Variants in ASAP1 observed in about 807,000 individuals in gnomAD.
The protein encoded by ASAP1 is arf-GAP with SH3 domain, ANK repeat and PH domain-containing protein 1.
In ASAP1, 43 loss-of-function variants were observed where a neutral mutation model predicts 145.2. The observed-to-expected ratio is 0.30, with a 90% CI of 0.23 to 0.38. The LOEUF (loss-of-function observed/expected upper bound fraction) is 0.38, where lower values mean the gene tolerates loss of function less well. Among genes scored for constraint, ASAP1 ranks in the 10% least tolerant of loss-of-function variants. ASAP1 has a pLI of 1.00. For synonymous variants in ASAP1, 546 were observed against 515.5 expected (o/e 1.06, Z -0.80); for missense variants, 1,018 against 1,355.3 (o/e 0.75, Z 3.91).
intron 13 of ASAP1, among the ~76,000 whole-genome samples, chr8:130,145,722 T>TA (rs1190550375): frequency 6.6e-6 from 1 of 152,070 alleles, no homozygotes; most frequent in Non-Finnish European, 1.5e-5. Flanking sequence ...ATAACCACCC[T>TA]ACAACTAAGT....
intron 9 of ASAP1, among the ~76,000 whole-genome samples, chr8:130,173,692 C>T (rs891224952): frequency 6.6e-6 from 1 of 151,060 alleles, no homozygotes; most frequent in African/African-American, 2.4e-5. Flanking sequence ...CGCTTGAACC[C>T]AGGAGGTTGA....
chr8:130,279,641 CAAAT>C (rs1821135471), intron 3 of ASAP1, among the ~76,000 whole-genome samples: 1 of 152,078 alleles, frequency 6.6e-6, no homozygotes, highest in Non-Finnish European at 1.5e-5. Flanking sequence ...ATCTATAAAA[CAAAT>C]AGACTTGACT....
At chr8:130,312,435 A>AT (rs1565197536) in intron 3 of ASAP1, among the ~76,000 whole-genome samples, 1 of 149,820 alleles carries the variant, frequency 6.7e-6, no homozygotes, top group African/African-American at 2.5e-5. Flanking sequence ...GCAAAATACA[A>AT]TATCACTAAA....
chr8:130,340,456 C>T (rs1340257547), intron 3 of ASAP1, among the ~76,000 whole-genome samples: 1 of 152,188 alleles, frequency 6.6e-6, no homozygotes, highest in Non-Finnish European at 1.5e-5. Context: ...CTCTGTCTCC[C>T]TTCATACTAT....
intron 5 of ASAP1, among the ~76,000 whole-genome samples, chr8:130,206,300 G>T (rs1816216724): frequency 6.6e-6 from 1 of 152,046 alleles, no homozygotes; most frequent in Non-Finnish European, 1.5e-5. Flanking sequence ...AGGGCACCCA[G>T]AAGCTACCAA....
intron 2 of ASAP1, among the ~76,000 whole-genome samples, chr8:130,391,708 G>C (rs1466877442): frequency 6.6e-6 from 1 of 152,236 alleles, no homozygotes; most frequent in Non-Finnish European, 1.5e-5. Context: ...GAGTATGTCA[G>C]TGGCAATAGA....
chr8:130,310,946 C>A (rs1010757255), intron 3 of ASAP1, among the ~76,000 whole-genome samples: 53 of 152,324 alleles, frequency 3.5e-4, no homozygotes, highest in African/African-American at 1.1e-3. Flanking sequence ...CCAACCTGGG[C>A]CAGTATCTAC....
intron 4 of ASAP1, among the ~76,000 whole-genome samples, chr8:130,227,977 C>T (rs754731975): frequency 7.9e-5 from 12 of 152,124 alleles, no homozygotes; most frequent in Non-Finnish European, 1.6e-4. Context: ...TCAAAAGGGG[C>T]AGGTCTCTTT....
intron 15 of ASAP1, among the ~76,000 whole-genome samples, chr8:130,132,819 T>C (rs1273538751): frequency 6.7e-6 from 1 of 149,866 alleles, no homozygotes; most frequent in African/African-American, 2.4e-5. Context: ...TTCTACCTTC[T>C]CTCTCAGTTT....
chr8:130,185,621 C>T (rs1363321237), intron 7 of ASAP1, among the ~76,000 whole-genome samples: 7 of 148,542 alleles, frequency 4.7e-5, no homozygotes, highest in Non-Finnish European at 8.9e-5. Flanking sequence ...CCCAATTACT[C>T]GGGAGGCTGA....
chr8:130,369,566 TTAAA>T (rs1394187253), intron 2 of ASAP1, among the ~76,000 whole-genome samples: 1 of 151,982 alleles, frequency 6.6e-6, no homozygotes, highest in Non-Finnish European at 1.5e-5. Flanking sequence ...GACAAAGGGG[TTAAA>T]TAGACATTTC....
chr8:130,132,224 G>T (rs2097584266), intron 15 of ASAP1, among the ~76,000 whole-genome samples: 1 of 152,206 alleles, frequency 6.6e-6, no homozygotes, highest in African/African-American at 2.4e-5. Flanking sequence ...ACTTTCTGGG[G>T]TTGTGAGGAT....
intron 3 of ASAP1, among the ~76,000 whole-genome samples, chr8:130,258,795 TG>T (rs1301490476): frequency 2.0e-5 from 3 of 152,242 alleles, no homozygotes; most frequent in African/African-American, 7.2e-5. Flanking sequence ...GGAATGGTTT[TG>T]GGTTCTTACA....
At chr8:130,439,166 C>T (rs1371606442) in intron 1 of ASAP1, among the ~76,000 whole-genome samples, 4 of 152,154 alleles carry the variant, frequency 2.6e-5, no homozygotes, top group African/African-American at 9.7e-5. Context: ...AAGACCAACA[C>T]TGCCGGCTTT....
At chr8:130,143,066 T>C (rs2097616405) in intron 13 of ASAP1, among the ~76,000 whole-genome samples, 1 of 152,196 alleles carries the variant, frequency 6.6e-6, no homozygotes, top group Admixed American at 6.5e-5. Context: ...CATTACCTAC[T>C]ATGTGAATTA....
chr8:130,257,638 T>C (rs563302290), intron 3 of ASAP1, among the ~76,000 whole-genome samples: 1 of 152,336 alleles, frequency 6.6e-6, no homozygotes, highest in East Asian at 1.9e-4. Context: ...AAAAGGGATC[T>C]ACAGTCGGTA....
At chr8:130,246,957 A>G (rs1177707483) in intron 3 of ASAP1, 2 of 152,226 alleles carry the variant, frequency 1.3e-5, no homozygotes, top group African/African-American at 4.8e-5. Context: ...ATTTGTTAAG[A>G]GGTCCAACCT....
intron 26 of ASAP1, 92 bp from the exon 27 acceptor site, chr8:130,076,498 C>A: frequency 1.0e-6 from 1 of 952,716 alleles, no homozygotes; most frequent in Non-Finnish European, 1.6e-6. Flanking sequence ...AAGGTATTTA[C>A]ATAATCATCT....
Position 130,112,302 on chromosome 8 carries a change from C to G in ASAP1, c.2193G>C (p.Glu731Asp), listed in dbSNP as rs181327053. Residue 731 changes from glutamate (E) to aspartate (D), a missense_variant, in exon 24 of 30, where the codon GAG (glutamate) becomes GAC (aspartate). This residue lies in a region of ASAP1 where 353 missense variants were observed against 375.4 expected (regional missense o/e 0.94). Transcript: ENST00000518721. ...LDDKPSPIKK[E>D]RSPRPQSFCH... ...AGAAGCTCTGAGGTCTGGGTGAGCG[C>G]TCTTTCTTGATAGGGCTTGGCTGGC... 8.7e-6 allele frequency: 14 copies of G among 1,614,068 alleles called. No homozygotes were observed. The highest frequency in any genetic ancestry group is 1.6e-4 in the Middle Eastern group (1 of 6,062).
Sources: allele counts gnomAD v4.1 joint callset (sites outside exome capture counted in the v4.1 genomes callset), GRCh38; gene constraint gnomAD v4.1.1; regional missense constraint gnomAD v4.1.1; transcripts MANE v1.5; gene names NCBI Gene and HGNC (gene_info 2026-07-23, HGNC 2026-07-21).